Variants in DIP2C observed in about 807,000 individuals in gnomAD.
DIP2C encodes disco-interacting protein 2 homolog C.
In DIP2C, 33 loss-of-function variants were observed where a neutral mutation model predicts 192.4. The observed-to-expected ratio is 0.17, with a 90% CI of 0.13 to 0.23. DIP2C has a LOEUF of 0.23. Ranked by LOEUF, DIP2C falls within the 10% of genes least tolerant of loss-of-function variation. DIP2C has a pLI of 1.00. For synonymous variants in DIP2C, 979 were observed against 864.1 expected (o/e 1.13, Z -2.33); for missense variants, 1,537 against 2,110.1 (o/e 0.73, Z 5.32).
chr10:628,253 G>T (rs933474132), intron 1 of DIP2C, among the ~76,000 whole-genome samples: 2 of 152,222 alleles, frequency 1.3e-5, no homozygotes, highest in African/African-American at 4.8e-5. Flanking sequence ...AGGTAGAACA[G>T]TGTTCCATAA....
At chr10:530,754 C>A (rs1198055831) in intron 1 of DIP2C, among the ~76,000 whole-genome samples, 1 of 151,482 alleles carries the variant, frequency 6.6e-6, no homozygotes, top group Non-Finnish European at 1.5e-5. Context: ...TGCTGTCAGA[C>A]GAGATGGACT....
At chr10:535,165 A>ACC (rs1847631215) in intron 1 of DIP2C, among the ~76,000 whole-genome samples, 1 of 151,672 alleles carries the variant, frequency 6.6e-6, no homozygotes, top group Non-Finnish European at 1.5e-5. Flanking sequence ...GTACAGCCAG[A>ACC]CCCTCCTCTA....
chr10:528,423 C>T (rs1300943366), intron 1 of DIP2C, among the ~76,000 whole-genome samples: 1 of 151,378 alleles, frequency 6.6e-6, no homozygotes, highest in Non-Finnish European at 1.5e-5. Context: ...CCCCAGAACG[C>T]AGACCGCCCG....
chr10:458,955 A>G (rs1337499826), intron 3 of DIP2C, among the ~76,000 whole-genome samples: 2 of 151,530 alleles, frequency 1.3e-5, no homozygotes, highest in African/African-American at 4.9e-5. Flanking sequence ...GGATGGGTTC[A>G]GAAGCACAAG....
intron 1 of DIP2C, among the ~76,000 whole-genome samples, chr10:602,319 C>A (rs1488009666): frequency 6.6e-6 from 1 of 152,210 alleles, no homozygotes; most frequent in Non-Finnish European, 1.5e-5. Flanking sequence ...GCAGCAAATG[C>A]AGCTGAGAAG....
intron 2 of DIP2C, among the ~76,000 whole-genome samples, chr10:475,074 G>C (rs1381030331): frequency 6.6e-6 from 1 of 152,148 alleles, no homozygotes; most frequent in Non-Finnish European, 1.5e-5. Context: ...TCCAACACAG[G>C]CATGTTCACC....
At chr10:561,831 T>A (rs1849235959) in intron 1 of DIP2C, among the ~76,000 whole-genome samples, 1 of 152,036 alleles carries the variant, frequency 6.6e-6, no homozygotes, top group Admixed American at 6.5e-5. Flanking sequence ...ATTAATACAC[T>A]TTTTCCTCCT....
chr10:524,967 C>CAAAAAAAAAAAAAAAAAAAAAAAAAAAAA lies in DIP2C; in HGVS notation c.86-38438_86-38437insTTTTTTTTTTTTTTTTTTTTTTTTTTTTT, dbSNP rs10652748. On this transcript the variant is annotated intron_variant, in intron 1 of 36. Transcript: ENST00000280886. ...ACACAGTTTAAGACAATCACAATTT[C>CAAAAAAAAAAAAAAAAAAAAAAAAAAAAA]AAAAAAAAAAAAAAAAGAATCACAT... is the stretch of plus-strand genomic sequence containing the variant. Among the ~76,000 whole-genome samples, 78 of 111,128 alleles carry CAAAAAAAAAAAAAAAAAAAAAAAAAAAAA rather than the reference C, an allele frequency of 7.0e-4. 5 individuals are homozygous for CAAAAAAAAAAAAAAAAAAAAAAAAAAAAA. The highest frequency in any genetic ancestry group is 1.5e-3 in the African/African-American group (33 of 21,580). The allele number at this position is 111,128 out of a possible 152,430, so 72.9% of individuals were successfully genotyped here.
intron 10 of DIP2C, among the ~76,000 whole-genome samples, chr10:396,471 A>G (rs1190517887): frequency 1.3e-5 from 2 of 152,180 alleles, no homozygotes; most frequent in African/African-American, 4.8e-5. Context: ...AATTGTTACG[A>G]ATAACAATGA....
At chr10:643,895 G>A (rs1588662771) in intron 1 of DIP2C, among the ~76,000 whole-genome samples, 1 of 152,238 alleles carries the variant, frequency 6.6e-6, no homozygotes, top group Admixed American at 6.5e-5. Flanking sequence ...ACGTATGAGG[G>A]TGTATTTAAG....
chr10:453,289 G>A (rs1412503041), intron 3 of DIP2C, among the ~76,000 whole-genome samples: 2 of 152,224 alleles, frequency 1.3e-5, no homozygotes, highest in East Asian at 1.9e-4. Context: ...CAGATGAGAG[G>A]CCGTGGAATG....
chr10:393,358 A>G (rs915025622), intron 10 of DIP2C, among the ~76,000 whole-genome samples: 8 of 152,330 alleles, frequency 5.3e-5, no homozygotes, highest in Admixed American at 2.0e-4. Context: ...AAAAATAAGA[A>G]AAGTTCTCTA....
chr10:451,638 C>T (rs978750611), intron 3 of DIP2C, among the ~76,000 whole-genome samples: 1 of 152,158 alleles, frequency 6.6e-6, no homozygotes, highest in Non-Finnish European at 1.5e-5. Context: ...TTAACAGTAG[C>T]CATTTCAGGA....
intron 1 of DIP2C, among the ~76,000 whole-genome samples, chr10:582,233 C>G (rs1056832212): frequency 1.3e-5 from 2 of 152,206 alleles, no homozygotes; most frequent in Non-Finnish European, 2.9e-5. Context: ...CCGGCCAGCA[C>G]CCACACCAGC....
intron 32 of DIP2C, among the ~76,000 whole-genome samples, chr10:292,082 T>C (rs1334009939): frequency 6.6e-6 from 1 of 152,276 alleles, no homozygotes; most frequent in Non-Finnish European, 1.5e-5. Context: ...GCTCACCTTC[T>C]GTGAGAGCAC....
intron 1 of DIP2C, among the ~76,000 whole-genome samples, chr10:550,885 C>G (rs1005650814): frequency 3.9e-5 from 6 of 152,260 alleles, no homozygotes; most frequent in African/African-American, 7.2e-5. Context: ...CACAGCCAGT[C>G]AGGCCTGCAC....
At chr10:670,471 TCAA>T (rs1327157933) in intron 1 of DIP2C, among the ~76,000 whole-genome samples, 14 of 152,136 alleles carry the variant, frequency 9.2e-5, no homozygotes, top group African/African-American at 3.1e-4. Flanking sequence ...GGGTAGGGTG[TCAA>T]CAAGTGAGAA....
rs80098778 is a variant in DIP2C at position 445,119 on chromosome 10, G to C, written c.269-4123C>G. Among the ~76,000 whole-genome samples, 25 of 152,346 alleles carry C rather than the reference G, an allele frequency of 1.6e-4. No individual in the cohort carries two copies. In the East Asian group the frequency reaches 3.7e-3, roughly 22 times the overall value. ...ACTCTTGTGAAGTGGAACCTCATGGGTTTAAGTTGTACTTACCAAATGACC... is the reference window on the plus strand; with the variant it reads ...ACTCTTGTGAAGTGGAACCTCATGGCTTTAAGTTGTACTTACCAAATGACC... On this transcript the variant is annotated intron_variant, in intron 3 of 36. Transcript: ENST00000280886.
chr10:417,631 G>A (rs376276974), intron 6 of DIP2C, among the ~76,000 whole-genome samples: 4,135 of 20,018 alleles, frequency 0.21, 274 homozygotes, highest in Non-Finnish European at 0.3. Context: ...CGCCTGTCAG[G>A]GCTCGGATAG....
Sources: gnomAD v4.1 joint callset for allele counts (sites outside exome capture counted in the v4.1 genomes callset) on GRCh38, gnomAD v4.1.1 for gene constraint, MANE v1.5 for transcripts, NCBI Gene and HGNC (gene_info 2026-07-23, HGNC 2026-07-21) for gene names.